The following VPS41 variants were observed in gnomAD, a reference collection of about 807,000 sequenced individuals.
VPS41 encodes the protein VPS41 subunit of HOPS complex.
A neutral mutation model predicts 130.9 loss-of-function variants in VPS41; 85 were observed. The observed-to-expected ratio is 0.65, with a 90% CI of 0.55 to 0.78. The LOEUF (loss-of-function observed/expected upper bound fraction) is 0.78. Among genes scored for constraint, VPS41 ranks in the 30% least tolerant of loss-of-function variants. The probability of loss-of-function intolerance (pLI) is 0.00; values close to 1 mark genes in which losing one functional copy is unlikely to be tolerated. For synonymous variants in VPS41, 335 were observed against 332.9 expected (o/e 1.01, Z -0.07); for missense variants, 874 against 1,018.7 (o/e 0.86, Z 1.93).
At chr7:38,904,991 A>G (rs1787226583) in intron 1 of VPS41, among the ~76,000 whole-genome samples, 1 of 152,214 alleles carries the variant, frequency 6.6e-6, no homozygotes, top group Non-Finnish European at 1.5e-5. Flanking sequence ...ACATTATAGT[A>G]TAGATGTAAT....
intron 11 of VPS41, 65 bp from the exon 12 acceptor site, chr7:38,774,309 C>T: frequency 7.1e-7 from 1 of 1,416,176 alleles, no homozygotes. Context: ...CAAATTAATT[C>T]TAGTTAGCCA....
intron 2 of VPS41, among the ~76,000 whole-genome samples, chr7:38,887,177 G>A (rs1786752452): frequency 6.6e-6 from 1 of 152,176 alleles, no homozygotes; most frequent in Admixed American, 6.5e-5. Context: ...TGGATAACGA[G>A]TTTGACAAGT....
intron 4 of VPS41, among the ~76,000 whole-genome samples, chr7:38,859,836 G>A (rs926857135): frequency 6.6e-6 from 1 of 152,186 alleles, no homozygotes; most frequent in African/African-American, 2.4e-5. Flanking sequence ...TAAGAATTCT[G>A]AAGTCACGTT....
chr7:38,834,155 C>G (rs767987677), intron 4 of VPS41, among the ~76,000 whole-genome samples: 20 of 151,186 alleles, frequency 1.3e-4, no homozygotes, highest in Admixed American at 9.2e-4. Context: ...ATTCCTCAGT[C>G]TCTTAAAGAA....
chr7:38,745,077 C>T (rs1179999877), intron 23 of VPS41, among the ~76,000 whole-genome samples: 1 of 152,158 alleles, frequency 6.6e-6, no homozygotes, highest in Non-Finnish European at 1.5e-5. Flanking sequence ...AAAATTGTGA[C>T]TCATGTGGAG....
chr7:38,802,029 C>T (rs968640233), intron 7 of VPS41, among the ~76,000 whole-genome samples: 2 of 152,184 alleles, frequency 1.3e-5, no homozygotes, highest in East Asian at 3.8e-4. Flanking sequence ...AAAGGGCTCA[C>T]TTCTATGGAT....
At chr7:38,792,028 C>A (rs7812184) in intron 9 of VPS41, among the ~76,000 whole-genome samples, 10,995 of 152,102 alleles carry the variant, frequency 0.072, 471 homozygotes, top group African/African-American at 0.11. Flanking sequence ...GCCAGACTGC[C>A]TGGCCAGAGC....
Position 38,726,165 on chromosome 7 carries a change from C to A in VPS41, c.*81G>T. 1 of 898,250 alleles carries A rather than the reference C, an allele frequency of 1.1e-6. No homozygotes were observed. Among genetic ancestry groups the A allele is most frequent in the African/African-American group, 1.6e-5 (1 of 60,836 alleles). The allele number at this position is 898,250 out of a possible 1,614,324, so 55.6% of individuals were successfully genotyped here. ...AACATAAACAAATCTCTTAACAGCA[C>A]GAGTGTCAACAAATGCTTTTGTTGT... On this transcript the variant is annotated 3_prime_UTR_variant, in exon 29 of 29. Transcript: ENST00000310301.
At chr7:38,849,014 C>G (rs1417916939) in intron 4 of VPS41, among the ~76,000 whole-genome samples, 1 of 152,046 alleles carries the variant, frequency 6.6e-6, no homozygotes, top group Non-Finnish European at 1.5e-5. Context: ...GTCACAATAT[C>G]AAGGAATAAA....
chr7:38,848,813 C>T (rs1483683696), intron 4 of VPS41, among the ~76,000 whole-genome samples: 10 of 152,146 alleles, frequency 6.6e-5, no homozygotes, highest in Non-Finnish European at 5.9e-5. Flanking sequence ...ATTACCGCCC[C>T]GCCAGAGTTT....
chr7:38,756,213 TACACACACACACAC>T (rs3839727), intron 19 of VPS41, among the ~76,000 whole-genome samples: 41 of 146,654 alleles, frequency 2.8e-4, no homozygotes, highest in African/African-American at 4.8e-4. Flanking sequence ...AGATTTCTTT[TACACACACACACAC>T]ACACACACAC....
At chr7:38,833,640 C>T (rs2116188234) in intron 4 of VPS41, among the ~76,000 whole-genome samples, 2 of 152,300 alleles carry the variant, frequency 1.3e-5, no homozygotes, top group South Asian at 4.2e-4. Context: ...TTTCATAACT[C>T]CTCATTGCTT....
At chr7:38,878,190 A>C (rs1408632723) in intron 2 of VPS41, among the ~76,000 whole-genome samples, 1 of 152,234 alleles carries the variant, frequency 6.6e-6, no homozygotes. Flanking sequence ...ACAAAAGTAA[A>C]GCTAAAATGA....
chr7:38,739,754 T>G (rs1342658962), intron 25 of VPS41, among the ~76,000 whole-genome samples: 2 of 152,084 alleles, frequency 1.3e-5, no homozygotes, highest in African/African-American at 2.4e-5. Flanking sequence ...CACCCCTTGG[T>G]TGGGGGATTC....
intron 10 of VPS41, among the ~76,000 whole-genome samples, chr7:38,784,044 T>A (rs1281790015): frequency 6.6e-6 from 1 of 152,242 alleles, no homozygotes; most frequent in Non-Finnish European, 1.5e-5. Context: ...ACAAATTTTA[T>A]AAAACACAAT....
intron 10 of VPS41, among the ~76,000 whole-genome samples, chr7:38,784,016 C>T (rs1335014003): frequency 2.0e-5 from 3 of 152,106 alleles, no homozygotes; most frequent in African/African-American, 7.2e-5. Flanking sequence ...TACATCTTCC[C>T]CAAATTGTCT....
chr7:38,755,059 G>C (rs1783763249), intron 19 of VPS41, 123 bp from the exon 20 acceptor site: 1 of 808,028 alleles, frequency 1.2e-6, no homozygotes. Context: ...ACTTAAGGAG[G>C]CCCTTGGCTT....
chr7:38,831,454 A>T (rs1785385945), intron 4 of VPS41: 1 of 278,858 alleles, frequency 3.6e-6, no homozygotes, highest in East Asian at 1.0e-4. Flanking sequence ...TCATCACTGC[A>T]GTAAGTTCTA....
intron 2 of VPS41, among the ~76,000 whole-genome samples, chr7:38,873,068 G>T (rs1221090232): frequency 2.0e-5 from 3 of 152,152 alleles, no homozygotes; most frequent in Non-Finnish European, 2.9e-5. Context: ...AGGTTTCCCT[G>T]TCTTACTTAT....
Sources: gnomAD v4.1 joint callset for allele counts (sites outside exome capture counted in the v4.1 genomes callset) on GRCh38, gnomAD v4.1.1 for gene constraint, MANE v1.5 for transcripts, NCBI Gene and HGNC (gene_info 2026-07-23, HGNC 2026-07-21) for gene names.